APC: variants seen among roughly 807,000 people sequenced by gnomAD.
APC encodes the protein APC regulator of Wnt signaling pathway.
In APC, 72 loss-of-function variants were observed where a neutral mutation model predicts 247.0. That is an observed-to-expected ratio of 0.29 (90% CI 0.24 to 0.35). The LOEUF (loss-of-function observed/expected upper bound fraction) is 0.35, where lower values mean the gene tolerates loss of function less well. Ranked by LOEUF, APC falls within the 10% of genes least tolerant of loss-of-function variation. The pLI, the probability that APC is intolerant of heterozygous loss-of-function variation, is 1.00. For synonymous variants in APC, 1,254 were observed against 1,162.5 expected (o/e 1.08, Z -1.60); for missense variants, 3,400 against 3,360.7 (o/e 1.01, Z -0.29).
rs1060503306 is a variant in APC at position 112,841,467 on chromosome 5, A to C, written c.5873A>C (p.Asn1958Thr). 5 of 1,613,726 alleles carry C rather than the reference A, an allele frequency of 3.1e-6. No homozygotes were observed. The African/African-American group carries it at 6.7e-5, about 22-fold the overall frequency. ...AAGTTACAGAATTTTGCTATTGAAA[A>C]TACTCCGGTTTGCTTTTCTCATAAT... is the stretch of plus-strand genomic sequence containing the variant. ...DEKLQNFAIE[N>T]TPVCFSHNSS... The change falls in exon 16 of 16, where the codon AAT (asparagine) becomes ACT (threonine). Residue 1958 changes from asparagine (N) to threonine (T), a missense_variant. Physicochemically the swap from Asn to Thr is moderately conservative, Grantham distance 65. Transcript: ENST00000257430. This position sits in a 1 kb window ranked among gnomAD's most constrained non-coding sequence, Gnocchi z 4.6.
rs988513045 is a variant in APC, at chr5:112,845,577, G to C, written c.*1451G>C. ...CAAATCACATGGAACTTTAGAGGTA[G>C]ATTTAATACGATTAAGATATTCAGA... is the stretch of plus-strand genomic sequence containing the variant. On this transcript the variant is annotated 3_prime_UTR_variant, in exon 16 of 16. Transcript: ENST00000257430. The C allele has an allele frequency of 8.6e-6, 2 of 232,646 alleles. No individual in the cohort carries two copies. The highest frequency in any genetic ancestry group is 4.4e-5 in the African/African-American group (2 of 45,292). 14.4% of individuals were successfully genotyped at this position (232,646 alleles called of 1,614,324 possible).
At chr5:112,812,679 A>C (rs1027774402) in intron 8 of APC, among the ~76,000 whole-genome samples, 1 of 152,158 alleles carries the variant, frequency 6.6e-6, no homozygotes, top group Non-Finnish European at 1.5e-5. Flanking sequence ...GTGTGTTCAT[A>C]TAGTTTCTGT....
At chr5:112,767,071 T>C in intron 3 of APC, 118 bp from the exon 4 acceptor site, 1 of 939,514 alleles carries the variant, frequency 1.1e-6, no homozygotes, top group Non-Finnish European at 1.6e-6. Context: ...TTTTCAGTCA[T>C]GTATATTTGT....
rs73791454 is a variant in APC at position 112,769,712 on chromosome 5, A to G, written c.422+2322A>G. On this transcript the variant is annotated intron_variant, in intron 4 of 15. Transcript: ENST00000257430. ...TTCTGTAAGATAAAGATATGGTTCT[A>G]CTTTGTGGCATTGTTGTGAAAATTG... Among the ~76,000 whole-genome samples the G allele has an allele frequency of 7.9e-3, 1,201 of 152,250 alleles. 15 individuals carry two copies. Among genetic ancestry groups the G allele is most frequent in the African/African-American group, 0.027 (1,122 of 41,532 alleles).
intron 14 of APC, among the ~76,000 whole-genome samples, chr5:112,832,160 A>G (rs1049896727): frequency 2.6e-5 from 4 of 152,182 alleles, no homozygotes. Flanking sequence ...AATTTGAACT[A>G]TAAAAACATT....
At chr5:112,790,603 G>T (rs928743593) in intron 6 of APC, among the ~76,000 whole-genome samples, 1 of 152,014 alleles carries the variant, frequency 6.6e-6, no homozygotes, top group Non-Finnish European at 1.5e-5. Flanking sequence ...TGCTGGGATT[G>T]CAGGCGTGAG....
chr5:112,819,446 A>G, intron 10 of APC, 102 bp downstream of exon 10: 1 of 1,449,210 alleles, frequency 6.9e-7, no homozygotes, highest in Non-Finnish European at 9.6e-7. Flanking sequence ...TATGACTAAG[A>G]GGAGAAAATT....
chr5:112,768,646 G>T (rs1414508035), intron 4 of APC, among the ~76,000 whole-genome samples: 2 of 151,322 alleles, frequency 1.3e-5, no homozygotes, highest in African/African-American at 4.9e-5. Context: ...ATTTCTTCGT[G>T]TTAGGAACAT....
chr5:112,827,062 T>G, intron 11 of APC, 46 bp from the exon 12 acceptor site: 1 of 1,607,582 alleles, frequency 6.2e-7, no homozygotes, highest in Non-Finnish European at 8.5e-7. Flanking sequence ...ACCAGTTTGT[T>G]TTATTTTAGA....
At chr5:112,793,524 A>G (rs922162354) in intron 7 of APC, among the ~76,000 whole-genome samples, 1 of 151,962 alleles carries the variant, frequency 6.6e-6, no homozygotes, top group Non-Finnish European at 1.5e-5. Flanking sequence ...CAACAAAACA[A>G]CCCACCTAGA....
chr5:112,786,735 A>G (rs958291778), intron 6 of APC, among the ~76,000 whole-genome samples: 1 of 152,224 alleles, frequency 6.6e-6, no homozygotes, highest in Admixed American at 6.5e-5. Flanking sequence ...TCTGATAAAC[A>G]TACTTATTCA....
rs1246580689 is a variant in APC, at chr5:112,842,271, G to A, written c.6677G>A (p.Arg2226Gln). 1.2e-6 allele frequency: 2 copies of A among 1,613,874 alleles called. No individual in the cohort carries two copies. The highest frequency in any genetic ancestry group is 1.7e-6 in the Non-Finnish European group (2 of 1,179,912). ...PLQANMPSISRGRTMIHIPGV... is the reference protein window; with the variant it reads ...PLQANMPSISQGRTMIHIPGV... ...CAAGCAAACATGCCTTCAATCTCTCGAGGCAGGACAATGATTCATATTCCA... is the reference window on the plus strand; with the variant it reads ...CAAGCAAACATGCCTTCAATCTCTCAAGGCAGGACAATGATTCATATTCCA... The change falls in exon 16 of 16, where the codon CGA (arginine) becomes CAA (glutamine). Residue 2226 changes from arginine (R) to glutamine (Q), a missense_variant. Arg to Gln is a conservative substitution (Grantham distance 43). Transcript: ENST00000257430.
intron 14 of APC, among the ~76,000 whole-genome samples, chr5:112,830,768 G>A (rs1764208291): frequency 6.6e-6 from 1 of 152,198 alleles, no homozygotes; most frequent in Non-Finnish European, 1.5e-5. Flanking sequence ...GATTAGTGGT[G>A]GCCTGGGGTT....
chr5:112,747,037 C>A (rs1385919629), intron 1 of APC, among the ~76,000 whole-genome samples: 1 of 152,160 alleles, frequency 6.6e-6, no homozygotes, highest in African/African-American at 2.4e-5. Flanking sequence ...AGGGGTCACA[C>A]TGCATTACCC....
chr5:112,769,298 G>C (rs1207841851), intron 4 of APC, among the ~76,000 whole-genome samples: 1 of 151,956 alleles, frequency 6.6e-6, no homozygotes, highest in East Asian at 1.9e-4. Context: ...TGATCTGCCT[G>C]CCTTGGCCTC....
rs2149888926 is a variant in APC, at chr5:112,838,888, T to G, written c.3294T>G (p.Cys1098Trp). Reference protein sequence around the residue: ...KFQPHFGQQECVSPYRSRGAN... With the variant: ...KFQPHFGQQEWVSPYRSRGAN... The stretch of plus-strand genomic sequence containing the variant: ...AACCACATTTTGGACAGCAGGAATG[T>G]GTTTCTCCATACAGGTCACGGGGAG... Residue 1098 changes from cysteine to tryptophan, a missense_variant, in exon 16 of 16, where the codon TGT becomes TGG. Physicochemically the swap from Cys to Trp is radical, Grantham distance 215. Coordinates refer to ENST00000257430, the MANE Select transcript of APC (RefSeq NM_000038.6). The G allele has an allele frequency of 6.2e-7, 1 of 1,614,156 alleles. No homozygotes were observed. The highest frequency in any genetic ancestry group is 8.5e-7 in the Non-Finnish European group (1 of 1,180,030).
chr5:112,709,678 G>T (rs1750736720), intron 1 of APC, among the ~76,000 whole-genome samples: 1 of 152,126 alleles, frequency 6.6e-6, no homozygotes. Context: ...AAAGCGCATG[G>T]ATCGCATGAG....
intron 8 of APC, chr5:112,810,095 G>C: frequency 2.2e-6 from 1 of 455,880 alleles, no homozygotes; most frequent in South Asian, 1.6e-5. Context: ...CAGACTATAA[G>C]TTTGAGAGAA....
upstream of APC, chr5:112,737,717 TG>T: frequency 2.0e-6 from 1 of 502,980 alleles, no homozygotes; most frequent in East Asian, 1.5e-4. Context: ...GGCGGGGCCC[TG>T]TGCCCCACTG....
Sources: allele counts gnomAD v4.1 joint callset (sites outside exome capture counted in the v4.1 genomes callset), GRCh38; gene constraint gnomAD v4.1.1; non-coding constraint Gnocchi (gnomAD v3.1); transcripts MANE v1.5; gene names NCBI Gene and HGNC (gene_info 2026-07-23, HGNC 2026-07-21).